The following DICER1 variants were observed in gnomAD, a reference collection of about 807,000 sequenced individuals.
The protein encoded by DICER1 is endoribonuclease Dicer.
DICER1 carries 43 observed loss-of-function variants against 194.1 expected under a neutral mutation model. The ratio of observed to expected loss-of-function variants is 0.22; its 90% confidence interval spans 0.17 to 0.29. The LOEUF is 0.29. Ranked by LOEUF, DICER1 falls within the 10% of genes least tolerant of loss-of-function variation. DICER1 has a pLI of 1.00. For synonymous variants in DICER1, 832 were observed against 820.5 expected, an observed-to-expected ratio of 1.01 and a Z score of -0.24; for missense variants, 1,608 against 2,317.0, an observed-to-expected ratio of 0.69 and a Z score of 6.28.
intron 22 of DICER1, among the ~76,000 whole-genome samples, chr14:95,097,706 A>C (rs1426478275): frequency 6.6e-6 from 1 of 152,196 alleles, no homozygotes; most frequent in East Asian, 1.9e-4. Context: ...TGTTCTGACA[A>C]AAAAAAGTTG....
chr14:95,122,715 A>G (rs1893036249), intron 8 of DICER1, among the ~76,000 whole-genome samples: 1 of 152,204 alleles, frequency 6.6e-6, no homozygotes, highest in South Asian at 2.1e-4. Context: ...ATAGTCAGTG[A>G]GGTCCCCTTC....
chr14:95,140,361 A>G (rs1894749987), intron 1 of DICER1, among the ~76,000 whole-genome samples: 1 of 152,192 alleles, frequency 6.6e-6, no homozygotes, highest in Non-Finnish European at 1.5e-5. Flanking sequence ...ATTTAGATAT[A>G]CAAATACCAC....
chr14:95,116,896 T>A (rs993488005), intron 9 of DICER1, among the ~76,000 whole-genome samples: 5 of 152,198 alleles, frequency 3.3e-5, no homozygotes, highest in African/African-American at 1.2e-4. Flanking sequence ...GAAACTGATT[T>A]AATGAGACTC....
intron 1 of DICER1, among the ~76,000 whole-genome samples, chr14:95,146,366 T>C (rs921080564): frequency 2.6e-5 from 4 of 152,188 alleles, no homozygotes; most frequent in African/African-American, 9.6e-5. Context: ...AAGCCCACCT[T>C]TGAGTGGTGC....
chr14:95,155,883 T>C (rs914395484), intron 1 of DICER1, among the ~76,000 whole-genome samples: 11 of 152,254 alleles, frequency 7.2e-5, no homozygotes, highest in African/African-American at 1.4e-4. Flanking sequence ...TGTGTATGTA[T>C]GTGCATGTAC....
At position 95,112,154 on chromosome 14, in the gene DICER1, C is replaced by A. The variant is rs1198487941; in HGVS notation, c.2116+18G>T. The A allele has an allele frequency of 6.2e-7, 1 of 1,608,158 alleles. No individual in the cohort carries two copies. The highest frequency in any genetic ancestry group is 1.1e-5 in the South Asian group (1 of 90,952). ...TGCAATTTATTTTCATTCGTATATG[C>A]TTTTCAAACATCCTTACCAATTTTG... On this transcript the variant is annotated intron_variant, in intron 13 of 26. Coordinates refer to ENST00000343455, the MANE Select transcript of DICER1 (RefSeq NM_177438.3).
chr14:95,113,051 A>C, intron 12 of DICER1, 41 bp downstream of exon 12: 1 of 1,602,864 alleles, frequency 6.2e-7, no homozygotes, highest in South Asian at 1.1e-5. Flanking sequence ...CACTAATGAC[A>C]CATTTTAAAA....
rs760384855 is a variant in DICER1 at position 95,095,819 on chromosome 14, C to G, written c.5095+6G>C. ...CAGAAATGAAGTCTGGTCGTGGGCT[C>G]CTTACCAGTGATAGTATTGTAGTGG... On this transcript the variant is annotated splice_donor_region_variant and intron_variant, in intron 23 of 26. Coordinates refer to ENST00000343455, the MANE Select transcript of DICER1 (RefSeq NM_177438.3). 6.2e-7 allele frequency: 1 copy of G among 1,613,968 alleles called. No homozygotes were observed. Among genetic ancestry groups the G allele is most frequent in the Non-Finnish European group, 8.5e-7 (1 of 1,179,968 alleles).
At chr14:95,094,273 T>C (rs1566751087) in intron 23 of DICER1, 117 bp from the exon 24 acceptor site, 14 of 1,320,750 alleles carry the variant, frequency 1.1e-5, no homozygotes, top group Non-Finnish European at 1.4e-5. Flanking sequence ...TTCATACATA[T>C]ATTCTTCAAA....
Sources: gnomAD v4.1 joint callset for allele counts (sites outside exome capture counted in the v4.1 genomes callset) on GRCh38, gnomAD v4.1.1 for gene constraint, MANE v1.5 for transcripts, NCBI Gene and HGNC (gene_info 2026-07-23, HGNC 2026-07-21) for gene names.